The following CDC37L1 variants were observed in gnomAD, a reference collection of about 807,000 sequenced individuals.
CDC37L1 encodes cell division cycle 37 like 1, HSP90 cochaperone.
Under a neutral mutation model 45.9 loss-of-function variants are expected in CDC37L1, and 32 were observed. The observed-to-expected ratio is 0.70, with a 90% confidence interval of 0.53 to 0.94. CDC37L1 has a LOEUF of 0.94. CDC37L1 is among the 40% of genes least tolerant of loss of function. The pLI is 0.00. For missense variants in CDC37L1, 434 were observed against 405.7 expected, an observed-to-expected ratio of 1.07 and a Z score of -0.60; for synonymous variants, 150 against 133.0, an observed-to-expected ratio of 1.13 and a Z score of -0.88.
chr9:4,685,336 G>A, intron 2 of CDC37L1, 178 bp downstream of exon 2: 1 of 556,772 alleles, frequency 1.8e-6, no homozygotes, highest in South Asian at 2.3e-5. Flanking sequence ...TCTTGCTGTA[G>A]AGCTGCAGAC....
chr9:4,686,126 G>A (rs1276180898), intron 2 of CDC37L1, among the ~76,000 whole-genome samples: 1 of 152,134 alleles, frequency 6.6e-6, no homozygotes, highest in Non-Finnish European at 1.5e-5. Flanking sequence ...AACCGAGATC[G>A]TGCCACTACA....
At chr9:4,701,770 C>T (rs1841398574) in intron 5 of CDC37L1, 94 bp from the exon 6 acceptor site, 1 of 803,252 alleles carries the variant, frequency 1.2e-6, no homozygotes, top group East Asian at 2.7e-5. Context: ...GTCATTACTT[C>T]CTCCACTTCA....
chr9:4,699,216 G>A (rs1841376158), intron 5 of CDC37L1, among the ~76,000 whole-genome samples: 1 of 152,184 alleles, frequency 6.6e-6, no homozygotes, highest in South Asian at 2.1e-4. Context: ...TAAATAAATT[G>A]TGGTGTAGGT....
At chr9:4,683,860 A>G (rs1434455210) in intron 1 of CDC37L1, among the ~76,000 whole-genome samples, 2 of 152,250 alleles carry the variant, frequency 1.3e-5, no homozygotes, top group Non-Finnish European at 2.9e-5. Context: ...CTTTTGTTTT[A>G]TAGAGCCAAG....
intron 3 of CDC37L1, among the ~76,000 whole-genome samples, chr9:4,691,766 T>A (rs982437689): frequency 6.6e-6 from 1 of 152,244 alleles, no homozygotes; most frequent in Non-Finnish European, 1.5e-5. Flanking sequence ...TGGTACAATA[T>A]ATCATGGACT....
At chr9:4,681,567 C>T (rs1248408216) in intron 1 of CDC37L1, among the ~76,000 whole-genome samples, 1 of 149,656 alleles carries the variant, frequency 6.7e-6, no homozygotes, top group Non-Finnish European at 1.5e-5. Flanking sequence ...TTGTTGGAGG[C>T]AAAGGTTACA....
At chr9:4,703,906 G>C (rs1333817088) in intron 6 of CDC37L1, among the ~76,000 whole-genome samples, 1 of 152,020 alleles carries the variant, frequency 6.6e-6, no homozygotes, top group African/African-American at 2.4e-5. Context: ...AATTAAGCTG[G>C]GCTAATCTCC....
At chr9:4,688,440 A>C (rs1217002121) in intron 2 of CDC37L1, 73 bp from the exon 3 acceptor site, 1 of 810,166 alleles carries the variant, frequency 1.2e-6, no homozygotes, top group Non-Finnish European at 1.9e-6. Context: ...GAATTGCTAG[A>C]TATTCAGTAT....
chr9:4,692,550 G>A (rs1278996633), intron 3 of CDC37L1, among the ~76,000 whole-genome samples: 3 of 152,118 alleles, frequency 2.0e-5, no homozygotes, highest in African/African-American at 7.2e-5. Context: ...GATTACAGGC[G>A]TGAGCCACCA....
intron 5 of CDC37L1, among the ~76,000 whole-genome samples, chr9:4,701,515 T>C (rs145186752): frequency 1.2e-3 from 182 of 152,318 alleles, no homozygotes; most frequent in African/African-American, 4.3e-3. Context: ...ATAGAATGAA[T>C]TGGACAGATT....
intron 3 of CDC37L1, among the ~76,000 whole-genome samples, chr9:4,693,353 G>A (rs184555569): frequency 1.8e-4 from 27 of 152,136 alleles, no homozygotes; most frequent in African/African-American, 6.3e-4. Flanking sequence ...TGAGGTGGGA[G>A]GATCTCTTGA....
At chr9:4,694,890 T>A (rs754219841) in intron 3 of CDC37L1, among the ~76,000 whole-genome samples, 2 of 151,458 alleles carry the variant, frequency 1.3e-5, no homozygotes, top group Non-Finnish European at 3.0e-5. Flanking sequence ...AAAAAAAAAT[T>A]AACATTTAAT....
chr9:4,680,692 C>G (rs1340015287), intron 1 of CDC37L1, among the ~76,000 whole-genome samples: 1 of 152,198 alleles, frequency 6.6e-6, no homozygotes, highest in East Asian at 1.9e-4. Context: ...CTGTTTTTTT[C>G]TCCGAATCCG....
At chr9:4,681,045 C>G (rs1045059193) in intron 1 of CDC37L1, among the ~76,000 whole-genome samples, 2 of 152,132 alleles carry the variant, frequency 1.3e-5, no homozygotes, top group Non-Finnish European at 1.5e-5. Context: ...ATGGGTCCAT[C>G]ATTAGTCACC....
At chr9:4,699,148 TGTACTAGATTGCC>T (rs1186907936) in intron 5 of CDC37L1, among the ~76,000 whole-genome samples, 8 of 152,322 alleles carry the variant, frequency 5.3e-5, no homozygotes, top group Non-Finnish European at 1.0e-4. Flanking sequence ...CTTACACATA[TGTACTAGATTGCC>T]GTAATGTTCA....
rs901667183 is a variant in CDC37L1, at chr9:4,707,525, C to T, written c.*1413C>T. The stretch of plus-strand genomic sequence containing the variant: ...TGTATCTTGTTTTCGCTGAGGTGAT[C>T]AGACACTTAGTACCCTAGAAATGGA... On this transcript the variant is annotated 3_prime_UTR_variant, in exon 7 of 7. Transcript: ENST00000381854. 5 of 152,284 alleles carry T rather than the reference C, an allele frequency of 3.3e-5. No individual in the cohort carries two copies. The highest frequency in any genetic ancestry group is 1.2e-4 in the African/African-American group (5 of 41,562). The allele number at this position is 152,284 out of a possible 1,614,324, so 9.4% of individuals were successfully genotyped here.
chr9:4,708,362 T>A lies in CDC37L1; in HGVS notation c.*2250T>A, dbSNP rs1309807852. 1 of 152,024 alleles carries A rather than the reference T, an allele frequency of 6.6e-6. No homozygotes were observed. 9.4% of individuals were successfully genotyped at this position (152,024 alleles called of 1,614,324 possible). Reference sequence around the variant, plus strand: ...CATCAAAGATTCTTGTTTCATTTGATAAAATTAATATTTGAATAAAAAAAT... The same window carrying A: ...CATCAAAGATTCTTGTTTCATTTGAAAAAATTAATATTTGAATAAAAAAAT... On this transcript the variant is annotated 3_prime_UTR_variant, in exon 7 of 7. Coordinates refer to ENST00000381854, the MANE Select transcript of CDC37L1 (RefSeq NM_017913.4).
chr9:4,692,655 A>G (rs1042774951), intron 3 of CDC37L1, among the ~76,000 whole-genome samples: 1 of 152,232 alleles, frequency 6.6e-6, no homozygotes, highest in African/African-American at 2.4e-5. Flanking sequence ...TTGTGGTAGA[A>G]TTACAGCTAA....
rs961731514 is a variant in CDC37L1 at position 4,679,653 on chromosome 9, G to C, written c.-115G>C. On this transcript the variant is annotated 5_prime_UTR_variant, in exon 1 of 7. Coordinates refer to ENST00000381854, the MANE Select transcript of CDC37L1 (RefSeq NM_017913.4). The stretch of plus-strand genomic sequence containing the variant: ...GCCAGTAGAGGGATTCTGGGTAACG[G>C]CCCGGACCCCCGGCTGGGCTTCTGG... 1 of 997,152 alleles carries C rather than the reference G, an allele frequency of 1.0e-6. No individual in the cohort carries two copies. 61.8% of individuals were successfully genotyped at this position (997,152 alleles called of 1,614,324 possible). A position where few individuals can be genotyped will look rare whatever the true frequency, so the allele number is the denominator to read the frequency against.
Sources: allele counts gnomAD v4.1 joint callset (sites outside exome capture counted in the v4.1 genomes callset), GRCh38; gene constraint gnomAD v4.1.1; transcripts MANE v1.5; gene names NCBI Gene and HGNC (gene_info 2026-07-23, HGNC 2026-07-21).